Variants in LINGO2 observed in about 807,000 individuals in gnomAD.
The protein encoded by LINGO2 is leucine rich repeat and Ig domain containing 2, also known as leucine-rich repeat and immunoglobulin-like domain-containing nogo receptor-interacting protein 2.
Under a neutral mutation model 30.6 loss-of-function variants are expected in LINGO2, and 14 were observed. The ratio of observed to expected loss-of-function variants is 0.46; its 90% CI spans 0.30 to 0.72. LINGO2 has a LOEUF of 0.72. Among genes scored for constraint, LINGO2 ranks in the 30% least tolerant of loss-of-function variants. LINGO2 has a pLI of 0.07. For missense variants in LINGO2, 729 were observed against 751.7 expected, an observed-to-expected ratio of 0.97 and a Z score of 0.35; for synonymous variants, 317 against 288.5, an observed-to-expected ratio of 1.10 and a Z score of -1.00.
At chr9:28,852,698 T>C in the LINGO2 span, among the ~76,000 whole-genome samples, 1 of 152,014 alleles carries the variant, frequency 6.6e-6, no homozygotes, top group African/African-American at 2.4e-5. Context: ...TTCTCCTGCC[T>C]CCAGATACAT....
At chr9:29,077,680 T>TA in the LINGO2 span, among the ~76,000 whole-genome samples, 2 of 152,024 alleles carry the variant, frequency 1.3e-5, no homozygotes, top group African/African-American at 4.8e-5. Flanking sequence ...AAATTTGTTG[T>TA]AAAGACCATG....
the LINGO2 span, among the ~76,000 whole-genome samples, chr9:28,782,479 G>A: frequency 6.6e-6 from 1 of 152,096 alleles, no homozygotes; most frequent in African/African-American, 2.4e-5. Context: ...TGATAAAAGG[G>A]AAATGATAAC....
the LINGO2 span, among the ~76,000 whole-genome samples, chr9:29,000,743 C>T: frequency 1.3e-5 from 2 of 151,908 alleles, no homozygotes; most frequent in East Asian, 3.9e-4. Context: ...TTGTTCTTTT[C>T]TTCCCTTAGG....
intron 1 of LINGO2, among the ~76,000 whole-genome samples, chr9:28,589,523 C>A (rs1257617613): frequency 6.6e-6 from 1 of 151,904 alleles, no homozygotes; most frequent in Non-Finnish European, 1.5e-5. Flanking sequence ...AAACAGAGAG[C>A]CAAATCATCA....
chr9:28,915,928 G>A, the LINGO2 span, among the ~76,000 whole-genome samples: 17,199 of 151,926 alleles, frequency 0.11, 972 homozygotes, highest in South Asian at 0.16. Flanking sequence ...TCTGATAAAC[G>A]GTCGCGAATT....
At chr9:28,128,523 G>A (rs555753043) in intron 4 of LINGO2, among the ~76,000 whole-genome samples, 2 of 152,304 alleles carry the variant, frequency 1.3e-5, no homozygotes, top group African/African-American at 4.8e-5. Flanking sequence ...ATGGTTCTAA[G>A]TCTGGACATG....
the LINGO2 span, among the ~76,000 whole-genome samples, chr9:28,833,399 T>C: frequency 2.0e-5 from 3 of 152,200 alleles, no homozygotes; most frequent in Non-Finnish European, 4.4e-5. Context: ...ACATTGACCA[T>C]TGGCTCTGAT....
chr9:29,188,387 G>C, the LINGO2 span, among the ~76,000 whole-genome samples: 1 of 152,022 alleles, frequency 6.6e-6, no homozygotes, highest in Admixed American at 6.5e-5. Flanking sequence ...TCTTAGTACA[G>C]AACAAAATGA....
At chr9:27,988,595 G>A (rs1415300694) in intron 5 of LINGO2, among the ~76,000 whole-genome samples, 4 of 151,972 alleles carry the variant, frequency 2.6e-5, no homozygotes, top group Non-Finnish European at 5.9e-5. Flanking sequence ...TTTGTCTGAT[G>A]GCCAGTGATG....
intron 3 of LINGO2, among the ~76,000 whole-genome samples, chr9:28,351,788 G>A (rs1308284715): frequency 1.3e-5 from 2 of 152,038 alleles, no homozygotes; most frequent in East Asian, 1.9e-4. Flanking sequence ...AGCACATCAA[G>A]AAGCTTATCC....
exon 6 of LINGO2, chr9:27,949,275 C>T: frequency 1.2e-6 from 2 of 1,614,030 alleles, no homozygotes; most frequent in South Asian, 1.1e-5. Flanking sequence ...TTCCAAGGTG[C>T]CATCACCCAA....
intron 4 of LINGO2, among the ~76,000 whole-genome samples, chr9:28,134,737 ATT>A (rs536362220): frequency 1.9e-4 from 29 of 152,378 alleles, no homozygotes; most frequent in African/African-American, 6.5e-4. Context: ...GCCATGTCAG[ATT>A]AAAGACAATG....
At chr9:28,239,589 T>C (rs1821704109) in intron 4 of LINGO2, among the ~76,000 whole-genome samples, 1 of 152,036 alleles carries the variant, frequency 6.6e-6, no homozygotes, top group African/African-American at 2.4e-5. Flanking sequence ...CAACACGCCT[T>C]CATAATAAAA....
At chr9:29,165,567 A>C in the LINGO2 span, among the ~76,000 whole-genome samples, 2 of 152,026 alleles carry the variant, frequency 1.3e-5, no homozygotes, top group African/African-American at 4.8e-5. Flanking sequence ...GATTTTCTCT[A>C]AACAGTCCTA....
At chr9:28,797,392 A>AGAGAGAGAGG in the LINGO2 span, among the ~76,000 whole-genome samples, 4 of 146,096 alleles carry the variant, frequency 2.7e-5, no homozygotes, top group Admixed American at 7.0e-5. Flanking sequence ...AGAGAGAGAG[A>AGAGAGAGAGG]GAGAAAGCCT....
chr9:28,003,758 G>A (rs1473711240), intron 5 of LINGO2, among the ~76,000 whole-genome samples: 4 of 152,182 alleles, frequency 2.6e-5, no homozygotes, highest in Non-Finnish European at 5.9e-5. Flanking sequence ...TATGCCAGAG[G>A]AACTTAATCC....
At position 28,050,632 on chromosome 9, in the gene LINGO2, C is replaced by T. The variant is rs1177530297; in HGVS notation, c.-86-38227G>A. On this transcript the variant is annotated intron_variant, in intron 4 of 5. Coordinates refer to ENST00000379992, the Ensembl canonical transcript of LINGO2. ...TAATTAGAAACAATTGCATATGAAC[C>T]GAAATACCACCCTTCATAACACTGT... 5.3e-5 allele frequency among the ~76,000 whole-genome samples: 8 copies of T among 150,752 alleles called. No individual in the cohort carries two copies. In the South Asian group the frequency reaches 6.4e-4, roughly 12 times the overall value.
At chr9:28,249,619 C>A (rs1279269462) in intron 4 of LINGO2, among the ~76,000 whole-genome samples, 1 of 151,998 alleles carries the variant, frequency 6.6e-6, no homozygotes, top group African/African-American at 2.4e-5. Flanking sequence ...TAATAAACCT[C>A]CTAAAGCCCA....
intron 4 of LINGO2, among the ~76,000 whole-genome samples, chr9:28,043,622 A>C (rs1824289963): frequency 6.6e-6 from 1 of 152,216 alleles, no homozygotes; most frequent in African/African-American, 2.4e-5. Flanking sequence ...AACATATACA[A>C]AACTATGAAA....
Sources: gnomAD v4.1 joint callset for allele counts (sites outside exome capture counted in the v4.1 genomes callset) on GRCh38, gnomAD v4.1.1 for gene constraint, MANE v1.5 for transcripts, NCBI Gene and HGNC (gene_info 2026-07-23, HGNC 2026-07-21) for gene names.